The following RPUSD2 variants were observed in gnomAD, a reference collection of about 807,000 sequenced individuals.
RPUSD2 encodes the protein RNA pseudouridine synthase domain containing 2.
In RPUSD2, 31 loss-of-function variants were observed where a neutral mutation model predicts 41.5. The observed-to-expected ratio is 0.75, with a 90% CI of 0.56 to 1.01. RPUSD2 has a LOEUF of 1.01. RPUSD2 is among the 50% of genes least tolerant of loss of function. The pLI is 0.00. For missense variants in RPUSD2, 749 were observed against 724.7 expected (o/e 1.03, Z -0.38); for synonymous variants, 305 against 289.7 (o/e 1.05, Z -0.54).
At chr15:40,573,167 G>A (rs1891178576) in intron 2 of RPUSD2, among the ~76,000 whole-genome samples, 1 of 151,934 alleles carries the variant, frequency 6.6e-6, no homozygotes, top group Non-Finnish European at 1.5e-5. Context: ...TGGGATGACT[G>A]GCATGCGCCA....
chr15:40,571,274 G>T (rs117155875), intron 1 of RPUSD2, among the ~76,000 whole-genome samples: 2 of 152,118 alleles, frequency 1.3e-5, no homozygotes, highest in African/African-American at 2.4e-5. Flanking sequence ...GAGCCACTGC[G>T]CCCGGCTAAA....
Position 40,574,080 on chromosome 15 carries a change from T to C in RPUSD2, c.1457T>C (p.Val486Ala), listed in dbSNP as rs1891204260. The part of the protein sequence containing the change: ...DTIALASEKA[V>A]ETDVMNQETD... ...ATAGCCTTGGCATCAGAGAAGGCAG[T>C]TGAAACAGATGTCATGAATCAAGAG... The change falls in exon 3 of 3, where the codon GTT (valine) becomes GCT (alanine). Residue 486 changes from valine (V) to alanine (A), a missense_variant. Val to Ala is a moderately conservative substitution (Grantham distance 64, BLOSUM62 0). Coordinates refer to ENST00000315616, the MANE Select transcript of RPUSD2 (RefSeq NM_152260.3). 2 of 1,614,188 alleles carry C rather than the reference T, an allele frequency of 1.2e-6. No individual in the cohort carries two copies. Among genetic ancestry groups the C allele is most frequent in the African/African-American group, 2.7e-5 (2 of 75,038 alleles).
At position 40,574,938 on chromosome 15, in the gene RPUSD2, T is replaced by C. The variant is rs1250851639; in HGVS notation, c.*677T>C. 6.6e-6 allele frequency: 1 copy of C among 152,242 alleles called. No homozygotes were observed. Among genetic ancestry groups the C allele is most frequent in the Non-Finnish European group, 1.5e-5 (1 of 68,034 alleles). 9.4% of individuals were successfully genotyped at this position (152,242 alleles called of 1,614,324 possible). ...TGGACATTTTATATAAATGGAATGA[T>C]AAAACATGTGACCTATGTCTCTGTT... On this transcript the variant is annotated 3_prime_UTR_variant, in exon 3 of 3. Transcript: ENST00000315616.
Position 40,569,771 on chromosome 15 carries a change from A to G in RPUSD2, c.434A>G (p.Tyr145Cys). 1 of 1,611,446 alleles carries G rather than the reference A, an allele frequency of 6.2e-7. No homozygotes were observed. Among genetic ancestry groups the G allele is most frequent in the Non-Finnish European group, 8.5e-7 (1 of 1,178,928 alleles). The part of the protein sequence containing the change: ...FEGGLRKVRP[Y>C]YFDFRTYCKG... ...GGCGGCCTGCGTAAGGTGCGGCCCTATTACTTTGACTTCCGGACCTACTGC... is the reference window on the plus strand; with the variant it reads ...GGCGGCCTGCGTAAGGTGCGGCCCTGTTACTTTGACTTCCGGACCTACTGC... Residue 145 changes from tyrosine to cysteine, a missense_variant, in exon 1 of 3, where the codon TAT becomes TGT. Transcript: ENST00000315616.
At position 40,574,476 on chromosome 15, in the gene RPUSD2, T is replaced by A. The variant is rs746422024; in HGVS notation, c.*215T>A. 6 of 466,342 alleles carry A rather than the reference T, an allele frequency of 1.3e-5. No individual in the cohort carries two copies. The highest frequency in any genetic ancestry group is 2.2e-5 in the Non-Finnish European group (6 of 266,934). The allele number at this position is 466,342 out of a possible 1,614,324, so 28.9% of individuals were successfully genotyped here. On this transcript the variant is annotated 3_prime_UTR_variant, in exon 3 of 3. Transcript: ENST00000315616. ...TTTTCTAACATCTTTGATGTCTGGT[T>A]TTCTTCCGGCTTCTTTTTTATTACT...
At chr15:40,570,392 T>C (rs2141672619) in intron 1 of RPUSD2, among the ~76,000 whole-genome samples, 1 of 152,306 alleles carries the variant, frequency 6.6e-6, no homozygotes, top group Admixed American at 6.5e-5. Context: ...AAGTAGGTAT[T>C]GCCACTCCAT....
rs112058142 is a variant in RPUSD2 at position 40,569,828 on chromosome 15, A to G, written c.491A>G (p.His164Arg). The change falls in exon 1 of 3, where the codon CAC becomes CGC. Residue 164 changes from histidine to arginine, a missense_variant. Physicochemically the swap from His to Arg is conservative, Grantham distance 29. Transcript: ENST00000315616. ...CGCTGGGTGGGCCACAGCTTGCTGC[A>G]CGTCTTCAGTACCGAGTTCCGAGCT... ...KGRWVGHSLL[H>R]VFSTEFRAQP... The G allele has an allele frequency of 1.2e-6, 2 of 1,613,272 alleles. No individual in the cohort carries two copies. The highest frequency in any genetic ancestry group is 1.7e-6 in the Non-Finnish European group (2 of 1,179,756).
chr15:40,570,052 TCATGGCAATTCTAA>T, intron 1 of RPUSD2, 109 bp downstream of exon 1: 1 of 1,251,988 alleles, frequency 8.0e-7, no homozygotes, highest in Non-Finnish European at 1.0e-6. Flanking sequence ...TGGATTAAAA[TCATGGCAATTCTAA>T]AGCGTTCTCG....
Position 40,571,605 on chromosome 15 carries a change from A to G in RPUSD2, c.608A>G (p.Asp203Gly), listed in dbSNP as rs754404725. ...PVQDLNIVLK[D>G]NDFLRNTVHR... ...ACTTATTACCTATGTCTTTGACAGG[A>G]CAATGATTTCTTGCGGAACACAGTG... is the stretch of plus-strand genomic sequence containing the variant. Residue 203 changes from aspartate to glycine, a missense_variant and splice_region_variant, in exon 2 of 3, where the codon GAC (aspartate) becomes GGC (glycine). Transcript: ENST00000315616. 13 of 1,613,974 alleles carry G rather than the reference A, an allele frequency of 8.1e-6. No individual in the cohort carries two copies. The South Asian group carries it at 1.3e-4, about 16-fold the overall frequency.
chr15:40,571,547 G>A (rs1891138685), intron 1 of RPUSD2, 57 bp from the exon 2 acceptor site: 2 of 1,525,326 alleles, frequency 1.3e-6, no homozygotes, highest in African/African-American at 1.4e-5. Context: ...TGGATATGAA[G>A]TTGACTGATT....
intron 2 of RPUSD2, among the ~76,000 whole-genome samples, chr15:40,572,398 T>TA (rs750180352): frequency 1.7e-4 from 26 of 150,320 alleles, no homozygotes; most frequent in East Asian, 1.6e-3. Context: ...CCGTCTCTAC[T>TA]AAAAAAAAAT....
At chr15:40,569,989 C>A in intron 1 of RPUSD2, 46 bp downstream of exon 1, 1 of 1,007,708 alleles carries the variant, frequency 9.9e-7, no homozygotes, top group Non-Finnish European at 1.3e-6. Flanking sequence ...GGAAAAGGGG[C>A]CGGGTTTTGT....
Position 40,569,747 on chromosome 15 carries a change from G to T in RPUSD2, c.410G>T (p.Gly137Val). The change falls in exon 1 of 3, where the codon GGC becomes GTC. Residue 137 changes from glycine (G) to valine (V), a missense_variant. Gly to Val is a moderately radical substitution (Grantham distance 109, BLOSUM62 -3). Transcript: ENST00000315616. ...HFAETSYYFEGGLRKVRPYYF... is the reference protein window; with the variant it reads ...HFAETSYYFEVGLRKVRPYYF... ...GCAGAAACCAGTTATTACTTCGAGGGCGGCCTGCGTAAGGTGCGGCCCTAT... is the reference window on the plus strand; with the variant it reads ...GCAGAAACCAGTTATTACTTCGAGGTCGGCCTGCGTAAGGTGCGGCCCTAT... The T allele has an allele frequency of 6.2e-7, 1 of 1,604,874 alleles. No individual in the cohort carries two copies. Among genetic ancestry groups the T allele is most frequent in the East Asian group, 2.2e-5 (1 of 44,608 alleles).
rs1414934835 is a variant in RPUSD2, at chr15:40,571,639, T to C, written c.642T>C (p.His214=). ...TCTTGCGGAACACAGTGCACAGGCATGAGCCACCAGTCACAGCAGAGCCCA... is the reference window on the plus strand; with the variant it reads ...TCTTGCGGAACACAGTGCACAGGCACGAGCCACCAGTCACAGCAGAGCCCA... ...NDFLRNTVHR[H]EPPVTAEPIR... Residue 214 remains histidine, a synonymous_variant, in exon 2 of 3, where the codon CAT becomes CAC. Transcript: ENST00000315616. The C allele has an allele frequency of 1.9e-6, 3 of 1,614,180 alleles. No homozygotes were observed. The highest frequency in any genetic ancestry group is 1.7e-6 in the Non-Finnish European group (2 of 1,180,006).
In RPUSD2 at chr15:40,572,651, G is replaced by A. The variant is rs905454794; in HGVS notation, c.903+751G>A. ...GGAGGCTGAGATAGGAGGATCACTTGGCCATGGGAGGTTGAGGCTGCAGTG... is the reference window on the plus strand; with the variant it reads ...GGAGGCTGAGATAGGAGGATCACTTAGCCATGGGAGGTTGAGGCTGCAGTG... On this transcript the variant is annotated intron_variant, in intron 2 of 2. Coordinates refer to ENST00000315616, the MANE Select transcript of RPUSD2 (RefSeq NM_152260.3). 9.2e-5 allele frequency among the ~76,000 whole-genome samples: 14 copies of A among 152,232 alleles called. No homozygotes were observed. The East Asian group carries it at 2.3e-3, about 25-fold the overall frequency.
In RPUSD2 at chr15:40,571,028, T is replaced by C. The variant is rs183448370; in HGVS notation, c.607-576T>C. On this transcript the variant is annotated intron_variant, in intron 1 of 2. Transcript: ENST00000315616. ...TTTTTTTTGAGACAGAGTCTTGCTC[T>C]GTTGCCCAGGCTGGCGTGTAGTGGC... Among the ~76,000 whole-genome samples the C allele has an allele frequency of 7.0e-4, 106 of 152,184 alleles. 2 individuals carry two copies. The East Asian group carries it at 0.018, about 26-fold the overall frequency.
intron 2 of RPUSD2, among the ~76,000 whole-genome samples, chr15:40,572,313 A>G (rs1003217942): frequency 6.6e-6 from 1 of 151,438 alleles, no homozygotes; most frequent in Non-Finnish European, 1.5e-5. Flanking sequence ...CTGTAATCCC[A>G]ACACTTTGGG....
In RPUSD2 at chr15:40,569,344, C is replaced by T. The variant is rs1007499925; in HGVS notation, c.7C>T (p.Leu3=). The change falls in exon 1 of 3, where the codon CTG becomes TTG. Residue 3 remains leucine, a synonymous_variant. Coordinates refer to ENST00000315616, the MANE Select transcript of RPUSD2 (RefSeq NM_152260.3). ...GAGTGGGGGCAGCGTGGTTATGTGG[C>T]TGGACCGCCGCGGATGGCTCAGGGT... The part of the protein sequence containing the change: MW[L]DRRGWLRVLG... 3 of 1,478,130 alleles carry T rather than the reference C, an allele frequency of 2.0e-6. No homozygotes were observed. Among genetic ancestry groups the T allele is most frequent in the African/African-American group, 1.4e-5 (1 of 70,220 alleles). The allele number at this position is 1,478,130 out of a possible 1,614,324, so 91.6% of individuals were successfully genotyped here. A position where few individuals can be genotyped will look rare whatever the true frequency, so the allele number is the denominator to read the frequency against.
At position 40,569,670 on chromosome 15, in the gene RPUSD2, G is replaced by T; in HGVS notation, c.333G>T (p.Val111=). 6.4e-7 allele frequency: 1 copy of T among 1,552,704 alleles called. No homozygotes were observed. Among genetic ancestry groups the T allele is most frequent in the Non-Finnish European group, 8.7e-7 (1 of 1,146,868 alleles). Residue 111 remains valine, a synonymous_variant, in exon 1 of 3, where the codon GTG becomes GTT. Coordinates refer to ENST00000315616, the MANE Select transcript of RPUSD2 (RefSeq NM_152260.3). ...GGGGCGCAACCAGGGAGCGTGTCGT[G>T]CCGCCCCCGAAGAAGCGGCGGACCG... is the stretch of plus-strand genomic sequence containing the variant. ...KRRGATRERV[V]PPPKKRRTGV...
Sources: allele counts gnomAD v4.1 joint callset (sites outside exome capture counted in the v4.1 genomes callset), GRCh38; gene constraint gnomAD v4.1.1; transcripts MANE v1.5; gene names NCBI Gene and HGNC (gene_info 2026-07-23, HGNC 2026-07-21).